Variants in CAAP1 observed in about 807,000 individuals in gnomAD.
CAAP1 encodes conserved anti-apoptotic protein.
A neutral mutation model predicts 34.0 loss-of-function variants in CAAP1; 20 were observed. That is an observed-to-expected ratio of 0.59 (90% CI 0.41 to 0.86). The LOEUF (loss-of-function observed/expected upper bound fraction) is 0.86, where lower values mean the gene tolerates loss of function less well. CAAP1 is among the 40% of genes least tolerant of loss of function. CAAP1 has a pLI of 0.00. For synonymous variants in CAAP1, 213 were observed against 166.7 expected (o/e 1.28, Z -2.14); for missense variants, 538 against 450.5 (o/e 1.19, Z -1.76).
intron 1 of CAAP1, among the ~76,000 whole-genome samples, chr9:26,888,840 A>G (rs1823822498): frequency 6.6e-6 from 1 of 152,252 alleles, no homozygotes; most frequent in Non-Finnish European, 1.5e-5. Context: ...CAGAAACAAC[A>G]CAAATGCCCA....
intron 4 of CAAP1, among the ~76,000 whole-genome samples, chr9:26,882,863 CAA>C (rs1387182614): frequency 6.6e-6 from 1 of 152,116 alleles, no homozygotes; most frequent in Non-Finnish European, 1.5e-5. Context: ...GACATGGAGT[CAA>C]AAGAGATCAT....
At chr9:26,862,318 C>G (rs913161014) in intron 4 of CAAP1, among the ~76,000 whole-genome samples, 5 of 151,884 alleles carry the variant, frequency 3.3e-5, no homozygotes, top group African/African-American at 1.2e-4. Context: ...CTACTGGGAG[C>G]ATTAGTCTTA....
At chr9:26,890,976 G>C (rs1397835929) in intron 1 of CAAP1, among the ~76,000 whole-genome samples, 1 of 152,054 alleles carries the variant, frequency 6.6e-6, no homozygotes, top group African/African-American at 2.4e-5. Context: ...ACACATACAT[G>C]AAAGTAAAAA....
At chr9:26,845,713 G>T (rs942475658) in intron 5 of CAAP1, among the ~76,000 whole-genome samples, 17 of 152,082 alleles carry the variant, frequency 1.1e-4, no homozygotes, top group Non-Finnish European at 2.4e-4. Flanking sequence ...CTTGGTCTCT[G>T]GCTTTTTATC....
intron 2 of CAAP1, among the ~76,000 whole-genome samples, chr9:26,886,516 T>C (rs918322531): frequency 4.4e-4 from 67 of 152,250 alleles, no homozygotes; most frequent in Non-Finnish European, 5.0e-4. Flanking sequence ...AAGTCTTGTA[T>C]CTTTAGATAT....
At chr9:26,877,160 T>C (rs759647965) in intron 4 of CAAP1, among the ~76,000 whole-genome samples, 1 of 152,212 alleles carries the variant, frequency 6.6e-6, no homozygotes, top group East Asian at 1.9e-4. Context: ...ATTTGTTTAA[T>C]AAATAAATAT....
Position 26,843,942 on chromosome 9 carries a change from T to C in CAAP1, c.740-1295A>G, listed in dbSNP as rs540080095. Among the ~76,000 whole-genome samples the C allele has an allele frequency of 2.8e-4, 42 of 152,302 alleles. 1 individual carries two copies. The highest frequency in any genetic ancestry group is 1.0e-3 in the African/African-American group (42 of 41,552). On this transcript the variant is annotated intron_variant, in intron 5 of 5. Coordinates refer to ENST00000333916, the MANE Select transcript of CAAP1 (RefSeq NM_024828.4). ...CATTTTATTTGATGGCAAAGAACAT[T>C]TTATATATGTCCGCAAAGCAACAAA...
At chr9:26,849,446 T>C (rs115941235) in intron 5 of CAAP1, among the ~76,000 whole-genome samples, 1,933 of 152,370 alleles carry the variant, frequency 0.013, 37 homozygotes, top group African/African-American at 0.044. Flanking sequence ...TGTTTAAAGT[T>C]AACTTTAGTT....
intron 4 of CAAP1, among the ~76,000 whole-genome samples, chr9:26,865,090 T>A (rs1022210003): frequency 2.3e-4 from 35 of 152,310 alleles, no homozygotes; most frequent in African/African-American, 8.2e-4. Context: ...ATAATGTCAA[T>A]ATAACAGATT....
Position 26,861,126 on chromosome 9 carries a change from T to A in CAAP1, c.679A>T (p.Ile227Leu). Residue 227 changes from isoleucine to leucine, a missense_variant, in exon 5 of 6, where the codon ATA (isoleucine) becomes TTA (leucine). Coordinates refer to ENST00000333916, the MANE Select transcript of CAAP1 (RefSeq NM_024828.4). ...SDLVSQQDIC[I>L]DSASSVRENK... is the part of the protein sequence containing the mutation. Reference sequence around the variant, plus strand: ...TCTCTCACGGATGAAGCAGAATCTATACAGATGTCTTGCCTGGGAAATGAA... The same window carrying A: ...TCTCTCACGGATGAAGCAGAATCTAAACAGATGTCTTGCCTGGGAAATGAA... 1 of 1,609,372 alleles carries A rather than the reference T, an allele frequency of 6.2e-7. No homozygotes were observed. Among genetic ancestry groups the A allele is most frequent in the East Asian group, 2.2e-5 (1 of 44,750 alleles).
At chr9:26,880,266 T>A in intron 4 of CAAP1, 1 of 409,152 alleles carries the variant, frequency 2.4e-6, no homozygotes, top group Admixed American at 2.8e-5. Flanking sequence ...CTCACTTGCC[T>A]CCCGCAAAGC....
rs1563877072 is a variant in CAAP1 at position 26,846,440 on chromosome 9, GA to G, written c.740-3794del. 9.1e-4 allele frequency among the ~76,000 whole-genome samples: 100 copies of G among 110,420 alleles called. 1 individual carries two copies. The highest frequency in any genetic ancestry group is 3.4e-3 in the African/African-American group (94 of 27,286). The allele number at this position is 110,420 out of a possible 152,430, so 72.4% of individuals were successfully genotyped here. ...CAAAAAAAAAAAAAAAAAAAAAAAA[GA>G]AGAAGAAAAAAAAGAAAAAAGAAAG... On this transcript the variant is annotated intron_variant, in intron 5 of 5. Transcript: ENST00000333916.
rs375065234 is a variant in CAAP1, at chr9:26,886,084, G to A, written c.589+20C>T. Reference sequence around the variant, plus strand: ...GTATTAACTAAGAAGTTGCCAGAATGTAAAAATATGTATTCTTACCCTCAA... The same window carrying A: ...GTATTAACTAAGAAGTTGCCAGAATATAAAAATATGTATTCTTACCCTCAA... On this transcript the variant is annotated intron_variant, in intron 3 of 5. Transcript: ENST00000333916. 9 of 1,333,460 alleles carry A rather than the reference G, an allele frequency of 6.7e-6. No individual in the cohort carries two copies. The highest frequency in any genetic ancestry group is 9.3e-6 in the Non-Finnish European group (9 of 971,008). 82.6% of individuals were successfully genotyped at this position (1,333,460 alleles called of 1,614,324 possible).
intron 4 of CAAP1, among the ~76,000 whole-genome samples, chr9:26,871,789 G>A (rs1563888019): frequency 1.3e-5 from 2 of 151,010 alleles, no homozygotes; most frequent in African/African-American, 2.4e-5. Context: ...TGGGCAGGGC[G>A]GCGGGTGCCA....
At chr9:26,843,480 TTTTTTC>T (rs1413251575) in intron 5 of CAAP1, among the ~76,000 whole-genome samples, 2 of 152,082 alleles carry the variant, frequency 1.3e-5, no homozygotes, top group African/African-American at 2.4e-5. Flanking sequence ...GCATTTTCTT[TTTTTTC>T]TTTTTATTTT....
chr9:26,890,117 C>T (rs939412799), intron 1 of CAAP1, among the ~76,000 whole-genome samples: 1 of 152,072 alleles, frequency 6.6e-6, no homozygotes. Context: ...CGCCTGTAAT[C>T]CCAGCACTTT....
chr9:26,885,906 A>G (rs1038248520), intron 3 of CAAP1, among the ~76,000 whole-genome samples, 198 bp downstream of exon 3: 1 of 152,176 alleles, frequency 6.6e-6, no homozygotes. Flanking sequence ...ACCTGGAAAA[A>G]CAATATATTG....
intron 5 of CAAP1, among the ~76,000 whole-genome samples, chr9:26,847,024 A>G (rs1822627441): frequency 6.6e-6 from 1 of 151,510 alleles, no homozygotes; most frequent in African/African-American, 2.4e-5. Flanking sequence ...CCCAGAAGTA[A>G]TCACTGTTAA....
chr9:26,849,773 A>T (rs1276679681), intron 5 of CAAP1, among the ~76,000 whole-genome samples: 1 of 152,040 alleles, frequency 6.6e-6, no homozygotes, highest in Non-Finnish European at 1.5e-5. Context: ...ACACCTCTTT[A>T]GTTCATAAAC....
Sources: allele counts gnomAD v4.1 joint callset (sites outside exome capture counted in the v4.1 genomes callset), GRCh38; gene constraint gnomAD v4.1.1; transcripts MANE v1.5; gene names NCBI Gene and HGNC (gene_info 2026-07-23, HGNC 2026-07-21).